Variants in CFAP161 observed in about 807,000 individuals in gnomAD.
The protein encoded by CFAP161 is cilia- and flagella-associated protein 161.
Under a neutral mutation model 29.0 loss-of-function variants are expected in CFAP161, and 25 were observed. That is an observed-to-expected ratio of 0.86 (90% CI 0.63 to 1.20). The LOEUF is 1.20. CFAP161 is among the 50% of genes most tolerant of loss of function. The pLI is 0.00. For synonymous variants in CFAP161, 116 were observed against 137.4 expected (o/e 0.84, Z 1.09); for missense variants, 367 against 371.9 (o/e 0.99, Z 0.11).
chr15:81,117,077 G>A (rs1473518816), intron 1 of CFAP161, among the ~76,000 whole-genome samples: 1 of 152,106 alleles, frequency 6.6e-6, no homozygotes, highest in African/African-American at 2.4e-5. Context: ...GGACCTGCCA[G>A]GAAGTGACAA....
At chr15:81,112,519 T>A (rs921053091) in intron 1 of CFAP161, among the ~76,000 whole-genome samples, 6 of 152,160 alleles carry the variant, frequency 3.9e-5, no homozygotes, top group African/African-American at 1.4e-4. Context: ...CATATAGGTA[T>A]AATAAAACTA....
chr15:81,139,773 T>G (rs1280981490), intron 4 of CFAP161, among the ~76,000 whole-genome samples: 3 of 152,120 alleles, frequency 2.0e-5, no homozygotes, highest in Non-Finnish European at 2.9e-5. Flanking sequence ...GGGCAATGAA[T>G]TACTAAGTCA....
At chr15:81,104,187 A>AT (rs1019958279) in intron 1 of CFAP161, among the ~76,000 whole-genome samples, 1 of 152,154 alleles carries the variant, frequency 6.6e-6, no homozygotes, top group South Asian at 2.1e-4. Flanking sequence ...GAAAATCAAA[A>AT]TTTTTTTCTG....
intron 4 of CFAP161, among the ~76,000 whole-genome samples, chr15:81,141,852 G>C (rs1026258670): frequency 1.3e-5 from 2 of 151,772 alleles, no homozygotes; most frequent in Non-Finnish European, 2.9e-5. Context: ...ACCTGGCTAA[G>C]TTTTGTATTT....
chr15:81,115,702 A>G (rs767621210), intron 1 of CFAP161, among the ~76,000 whole-genome samples: 10 of 152,126 alleles, frequency 6.6e-5, no homozygotes, highest in Non-Finnish European at 1.2e-4. Flanking sequence ...TTGTTTTGAG[A>G]CAGGGCTCAC....
chr15:81,100,797 C>A (rs767000422), intron 1 of CFAP161, among the ~76,000 whole-genome samples: 19 of 152,050 alleles, frequency 1.2e-4, no homozygotes, highest in Non-Finnish European at 2.4e-4. Flanking sequence ...CTTGGCCTCC[C>A]AAAGTGCTAG....
chr15:81,110,053 A>G (rs945203810), intron 1 of CFAP161, among the ~76,000 whole-genome samples: 1 of 152,122 alleles, frequency 6.6e-6, no homozygotes, highest in East Asian at 1.9e-4. Context: ...GATCTTTGCA[A>G]ACTGATGTCT....
chr15:81,133,542 C>G (rs1180266962), upstream of CFAP161, among the ~76,000 whole-genome samples: 1 of 152,124 alleles, frequency 6.6e-6, no homozygotes, highest in Non-Finnish European at 1.5e-5. Context: ...CATCAAGCCT[C>G]CGGTAGTCCT....
At chr15:81,132,132 C>T (rs1168395791), upstream of CFAP161, among the ~76,000 whole-genome samples, 1 of 152,032 alleles carries the variant, frequency 6.6e-6, no homozygotes, top group Non-Finnish European at 1.5e-5. Context: ...CAAAAATTAC[C>T]CAGGCATGGT....
At chr15:81,148,090 A>G (rs1895040571) in intron 6 of CFAP161, among the ~76,000 whole-genome samples, 159 bp downstream of exon 6, 1 of 152,152 alleles carries the variant, frequency 6.6e-6, no homozygotes, top group African/African-American at 2.4e-5. Flanking sequence ...GAAAAATCCT[A>G]TTAGAGCCCC....
chr15:81,117,095 T>C (rs1406055891), intron 1 of CFAP161, among the ~76,000 whole-genome samples: 2 of 152,150 alleles, frequency 1.3e-5, no homozygotes, highest in Non-Finnish European at 2.9e-5. Flanking sequence ...CAATTTTTAC[T>C]CACTGTGAGG....
chr15:81,135,307 G>C lies in CFAP161; in HGVS notation c.107G>C (p.Gly36Ala), dbSNP rs200883144. The C allele has an allele frequency of 1.2e-6, 2 of 1,601,422 alleles. No individual in the cohort carries two copies. The highest frequency in any genetic ancestry group is 2.3e-5 in the South Asian group (2 of 87,952). Residue 36 changes from glycine (G) to alanine (A), a missense_variant, in exon 2 of 7, where the codon GGG becomes GCG. By Grantham distance (60) the Gly-to-Ala change is moderately conservative. Coordinates refer to ENST00000286732, the MANE Select transcript of CFAP161 (RefSeq NM_173528.4). ...GACTTCTTAGAGAAGAGAGACAAGG[G>C]GAAACTTCTCATACAGAGAAGTAGA... is the stretch of plus-strand genomic sequence containing the variant. ...MKDFLEKRDK[G>A]KLLIQRSRRL...
intron 1 of CFAP161, among the ~76,000 whole-genome samples, chr15:81,114,659 G>GT (rs1894474679): frequency 1.3e-5 from 2 of 152,066 alleles, no homozygotes; most frequent in African/African-American, 4.8e-5. Context: ...GAAGACGAGG[G>GT]TTTTTGTTTG....
chr15:81,105,157 C>G (rs1221947139), intron 1 of CFAP161, among the ~76,000 whole-genome samples: 26 of 19,040 alleles, frequency 1.4e-3, no homozygotes, highest in African/African-American at 2.3e-3. Context: ...CCCTCCCTCC[C>G]TCCCTTCCTT....
chr15:81,138,976 T>C (rs1465338170), intron 4 of CFAP161, among the ~76,000 whole-genome samples: 3 of 152,170 alleles, frequency 2.0e-5, no homozygotes, highest in Admixed American at 2.0e-4. Context: ...GTAGCGTTAT[T>C]ATTATTATTA....
chr15:81,135,475 A>G, intron 2 of CFAP161, 116 bp downstream of exon 2: 1 of 539,654 alleles, frequency 1.9e-6, no homozygotes, highest in Non-Finnish European at 3.2e-6. Context: ...TTAACTCGTC[A>G]TTTAACATTA....
At chr15:81,119,954 A>G (rs904059902) in intron 1 of CFAP161, among the ~76,000 whole-genome samples, 1 of 152,166 alleles carries the variant, frequency 6.6e-6, no homozygotes, top group Non-Finnish European at 1.5e-5. Context: ...AAAATAAGTT[A>G]TTATCCAGAG....
chr15:81,133,522 A>G (rs113979360), upstream of CFAP161, among the ~76,000 whole-genome samples: 663 of 152,234 alleles, frequency 4.4e-3, 6 homozygotes, highest in South Asian at 0.025. Flanking sequence ...TACTGAATGC[A>G]TTCAATCTGC....
At chr15:81,133,178 T>A (rs1165578037), upstream of CFAP161, among the ~76,000 whole-genome samples, 2 of 9,260 alleles carry the variant, frequency 2.2e-4, no homozygotes, top group African/African-American at 4.0e-4. Context: ...TTCATCAGCA[T>A]ATATATATAT....
Sources: allele counts gnomAD v4.1 joint callset (sites outside exome capture counted in the v4.1 genomes callset), GRCh38; gene constraint gnomAD v4.1.1; transcripts MANE v1.5; gene names NCBI Gene and HGNC (gene_info 2026-07-23, HGNC 2026-07-21).